PTK2: variants seen among roughly 807,000 people sequenced by gnomAD.
PTK2 encodes focal adhesion kinase 1.
A neutral mutation model predicts 150.1 loss-of-function variants in PTK2; 45 were observed. The observed-to-expected ratio is 0.30, with a 90% CI of 0.24 to 0.38. The LOEUF is 0.38. Ranked by LOEUF, PTK2 falls within the 10% of genes least tolerant of loss-of-function variation. PTK2 has a pLI of 1.00. For synonymous variants in PTK2, 432 were observed against 449.2 expected, an observed-to-expected ratio of 0.96 and a Z score of 0.48; for missense variants, 919 against 1,307.3, an observed-to-expected ratio of 0.70 and a Z score of 4.58.
chr8:140,978,815 T>C (rs1270054398), intron 1 of PTK2, among the ~76,000 whole-genome samples: 1 of 151,660 alleles, frequency 6.6e-6, no homozygotes, highest in Non-Finnish European at 1.5e-5. Context: ...TGCACACATG[T>C]TTATTGCGGC....
intron 1 of PTK2, among the ~76,000 whole-genome samples, chr8:140,997,078 A>T (rs148326868): frequency 6.6e-6 from 1 of 152,354 alleles, no homozygotes; most frequent in African/African-American, 2.4e-5. Flanking sequence ...ACTTGCTTCC[A>T]ACCGTCATGG....
intron 21 of PTK2, among the ~76,000 whole-genome samples, chr8:140,736,717 G>A (rs763645189): frequency 3.9e-5 from 6 of 152,020 alleles, no homozygotes; most frequent in African/African-American, 7.3e-5. Flanking sequence ...TGTGGAACAC[G>A]CCAAAAACAT....
At chr8:140,758,232 G>C (rs755683956) in intron 16 of PTK2, among the ~76,000 whole-genome samples, 18 of 152,026 alleles carry the variant, frequency 1.2e-4, no homozygotes, top group Non-Finnish European at 1.9e-4. Flanking sequence ...GAGACTACAG[G>C]TGTGCACCAC....
At chr8:140,842,659 A>G (rs957972432) in intron 7 of PTK2, among the ~76,000 whole-genome samples, 2 of 152,128 alleles carry the variant, frequency 1.3e-5, no homozygotes, top group Admixed American at 1.3e-4. Flanking sequence ...CAACTAATCT[A>G]CTTATATGGA....
intron 4 of PTK2, among the ~76,000 whole-genome samples, chr8:140,864,818 C>T (rs1331517565): frequency 6.6e-6 from 1 of 152,192 alleles, no homozygotes; most frequent in African/African-American, 2.4e-5. Context: ...CCAACATCAC[C>T]AGAATGCTCT....
At chr8:140,966,691 T>C (rs1016134599) in intron 1 of PTK2, among the ~76,000 whole-genome samples, 13 of 152,228 alleles carry the variant, frequency 8.5e-5, no homozygotes. Context: ...AAAATTAAAG[T>C]TGGCTTATTA....
intron 10 of PTK2, among the ~76,000 whole-genome samples, chr8:140,808,916 A>C (rs1011880759): frequency 6.6e-6 from 1 of 152,036 alleles, no homozygotes; most frequent in African/African-American, 2.4e-5. Flanking sequence ...TATTTTTAGT[A>C]GAGACGGGGT....
exon 3 of PTK2, chr8:140,890,671 C>G: frequency 6.2e-7 from 1 of 1,614,010 alleles, no homozygotes. Context: ...ATACCAGTAC[C>G]CAGGTGAGTC....
chr8:140,962,091 C>T (rs10103124), intron 1 of PTK2, among the ~76,000 whole-genome samples: 63,283 of 151,366 alleles, frequency 0.42, 15,127 homozygotes, highest in Non-Finnish European at 0.55. Context: ...AAAAAAAATA[C>T]AAAAATTAGC....
At chr8:140,727,392 C>A (rs2100046488) in intron 22 of PTK2, among the ~76,000 whole-genome samples, 1 of 151,748 alleles carries the variant, frequency 6.6e-6, no homozygotes, top group East Asian at 1.9e-4. Context: ...CAAAAAACTC[C>A]TGAAGTTCAC....
At chr8:140,818,410 T>C in intron 9 of PTK2, 56 bp from the exon 10 acceptor site, 1 of 1,471,022 alleles carries the variant, frequency 6.8e-7, no homozygotes, top group South Asian at 1.1e-5. Context: ...AAGAAATACT[T>C]TAGATAAAGA....
intron 31 of PTK2, among the ~76,000 whole-genome samples, chr8:140,661,997 C>G (rs1193406984): frequency 6.6e-6 from 1 of 150,782 alleles, no homozygotes; most frequent in Admixed American, 6.6e-5. Flanking sequence ...GGCTCCTCTT[C>G]TTTTCAAAAA....
chr8:140,992,671 C>T (rs2100196196), intron 1 of PTK2, among the ~76,000 whole-genome samples: 1 of 152,126 alleles, frequency 6.6e-6, no homozygotes, highest in Admixed American at 6.6e-5. Flanking sequence ...ATGAGTTACC[C>T]CCTCACACTA....
At chr8:140,727,394 G>A (rs1037296232) in intron 22 of PTK2, among the ~76,000 whole-genome samples, 8 of 151,298 alleles carry the variant, frequency 5.3e-5, no homozygotes, top group Non-Finnish European at 1.0e-4. Context: ...AAAAACTCCT[G>A]AAGTTCACAT....
At chr8:141,002,032 A>C (rs2100200364), upstream of PTK2, 1 of 152,134 alleles carries the variant, frequency 6.6e-6, no homozygotes, top group South Asian at 2.1e-4. Flanking sequence ...GGCTCCAGGA[A>C]AAGGAGGGAA....
chr8:140,702,522 GC>G, intron 25 of PTK2, 47 bp downstream of exon 28: 1 of 1,596,452 alleles, frequency 6.3e-7, no homozygotes. Flanking sequence ...GCCCAGCTTT[GC>G]CATGCTTTAT....
intron 24 of PTK2, among the ~76,000 whole-genome samples, chr8:140,704,301 G>A (rs2100032445): frequency 6.6e-6 from 1 of 152,080 alleles, no homozygotes; most frequent in Non-Finnish European, 1.5e-5. Flanking sequence ...GGAGAATTTG[G>A]GCTTGGGAAA....
At chr8:140,674,238 G>C in intron 29 of PTK2, 60 bp downstream of exon 32, 1 of 1,465,890 alleles carries the variant, frequency 6.8e-7, no homozygotes, top group Non-Finnish European at 9.5e-7. Flanking sequence ...CATCAACTGA[G>C]AACTAGGGGA....
chr8:140,670,489 A>ACACG (rs1491541417), intron 29 of PTK2, among the ~76,000 whole-genome samples: 1 of 7,892 alleles, frequency 1.3e-4, no homozygotes, highest in African/African-American at 3.9e-4. Flanking sequence ...AAAAACAACA[A>ACACG]CACACACACA....
Sources: allele counts gnomAD v4.1 joint callset (sites outside exome capture counted in the v4.1 genomes callset), GRCh38; gene constraint gnomAD v4.1.1; transcripts MANE v1.5; gene names NCBI Gene and HGNC (gene_info 2026-07-23, HGNC 2026-07-21).